LARP7: variants seen among roughly 807,000 people sequenced by gnomAD.
LARP7 encodes la-related protein 7.
Under a neutral mutation model 69.3 loss-of-function variants are expected in LARP7, and 52 were observed. That is an observed-to-expected ratio of 0.75 (90% CI 0.60 to 0.95). The LOEUF is 0.95. Ranked by LOEUF, LARP7 falls within the 40% of genes least tolerant of loss-of-function variation. The pLI is 0.00. For synonymous variants in LARP7, 254 were observed against 215.9 expected (o/e 1.18, Z -1.55); for missense variants, 733 against 673.0 (o/e 1.09, Z -0.99).
chr4:112,651,481 G>A (rs2048733820), intron 10 of LARP7, among the ~76,000 whole-genome samples: 1 of 152,158 alleles, frequency 6.6e-6, no homozygotes, highest in South Asian at 2.1e-4. Context: ...ATTGAGGGAT[G>A]TAAATACTGC....
At chr4:112,639,303 G>A (rs1257372052) in intron 1 of LARP7, among the ~76,000 whole-genome samples, 1 of 149,230 alleles carries the variant, frequency 6.7e-6, no homozygotes, top group African/African-American at 2.5e-5. Flanking sequence ...TCCGCCTCCC[G>A]GATTCACACC....
At position 112,647,681 on chromosome 4, in the gene LARP7, T is replaced by C; in HGVS notation, c.998-9T>C. ...TGTCTTAACGGAGAGCTTTTTTATT[T>C]ATTTCAAGATATAGAAATCTCTACT... On this transcript the variant is annotated splice_polypyrimidine_tract_variant and intron_variant, in intron 7 of 12. Coordinates refer to ENST00000344442, the MANE Select transcript of LARP7 (RefSeq NM_016648.4). 2 of 1,508,360 alleles carry C rather than the reference T, an allele frequency of 1.3e-6. No individual in the cohort carries two copies. The highest frequency in any genetic ancestry group is 1.8e-6 in the Non-Finnish European group (2 of 1,132,598). 93.4% of individuals were successfully genotyped at this position (1,508,360 alleles called of 1,614,324 possible).
rs747249439 is a variant in LARP7, at chr4:112,647,597, A to C, written c.997+48A>C. 22 of 1,467,208 alleles carry C rather than the reference A, an allele frequency of 1.5e-5. No individual in the cohort carries two copies. The African/African-American group carries it at 2.6e-4, about 17-fold the overall frequency. 90.9% of individuals were successfully genotyped at this position (1,467,208 alleles called of 1,614,324 possible). A position where few individuals can be genotyped will look rare whatever the true frequency, so the allele number is the denominator to read the frequency against. ...AGATAAAACTAATTAATTTTAATTA[A>C]TTAGTTTTTAATTAATTAGGTTTTA... is the stretch of plus-strand genomic sequence containing the variant. On this transcript the variant is annotated intron_variant, in intron 7 of 12. Transcript: ENST00000344442.
Position 112,646,596 on chromosome 4 carries a change from G to T in LARP7, c.312G>T (p.Leu104Phe), listed in dbSNP as rs554726477. ...LRSSAVVELDLEGTRIRRKKP... is the reference protein window; with the variant it reads ...LRSSAVVELDFEGTRIRRKKP... ...AATATACTATTTTAAAGCTTGATTT[G>T]GAAGGCACCAGAATCCGGAGGAAAA... Residue 104 changes from leucine to phenylalanine, a missense_variant, in exon 4 of 13, where the codon TTG (leucine) becomes TTT (phenylalanine). Coordinates refer to ENST00000344442, the MANE Select transcript of LARP7 (RefSeq NM_016648.4). The T allele has an allele frequency of 3.8e-6, 6 of 1,583,520 alleles. No homozygotes were observed. The South Asian group carries it at 4.6e-5, about 12-fold the overall frequency.
At position 112,647,426 on chromosome 4, in the gene LARP7, A is replaced by G. The variant is rs577197566; in HGVS notation, c.874A>G (p.Thr292Ala). 4 of 1,614,168 alleles carry G rather than the reference A, an allele frequency of 2.5e-6. No homozygotes were observed. In the East Asian group the frequency reaches 6.7e-5, roughly 27 times the overall value. The change falls in exon 7 of 13, where the codon ACA (threonine) becomes GCA (alanine). Residue 292 changes from threonine (T) to alanine (A), a missense_variant. Transcript: ENST00000344442. ...VEASSLPEVR[T>A]GKRKRSSSED... is the part of the protein sequence containing the mutation. ...AGCATCTAGCTTACCTGAAGTCAGA[A>G]CAGGGAAGAGGAAGAGAAGCAGCTC...
At chr4:112,645,713 G>A (rs2048174596) in intron 2 of LARP7, 1 of 427,612 alleles carries the variant, frequency 2.3e-6, no homozygotes, top group Non-Finnish European at 4.6e-6. Context: ...AGAGATATGG[G>A]GTCCCACCAT....
At chr4:112,655,549 A>C (rs1283501130) in intron 12 of LARP7, 1 of 152,164 alleles carries the variant, frequency 6.6e-6, no homozygotes, top group African/African-American at 2.4e-5. Flanking sequence ...AAAGGAGTAG[A>C]CCATAATTAG....
intron 1 of LARP7, among the ~76,000 whole-genome samples, chr4:112,638,809 T>G (rs1282642837): frequency 6.6e-6 from 1 of 152,242 alleles, no homozygotes; most frequent in Non-Finnish European, 1.5e-5. Flanking sequence ...TGACTGTGCT[T>G]AAATCTTTAC....
intron 12 of LARP7, chr4:112,655,473 ACT>A (rs1318985345): frequency 6.6e-6 from 1 of 152,120 alleles, no homozygotes; most frequent in Non-Finnish European, 1.5e-5. Flanking sequence ...TAGCCAGTTG[ACT>A]CTTGTCGTGA....
chr4:112,649,740 G>A (rs1489095507), intron 9 of LARP7, 54 bp downstream of exon 9: 1 of 1,170,760 alleles, frequency 8.5e-7, no homozygotes, highest in African/African-American at 1.6e-5. Context: ...ATATGTAAAT[G>A]CTATCTCTGA....
chr4:112,647,580 CTAATTAATTTTAATTAATTAGTTTT>C, intron 7 of LARP7, 31 bp downstream of exon 7: 7 of 1,318,932 alleles, frequency 5.3e-6, no homozygotes, highest in Non-Finnish European at 6.2e-6. Flanking sequence ...TTAGATAAAA[CTAATTAATTTTAATTAATTAGTTTT>C]TAATTAATTA....
At position 112,649,626 on chromosome 4, in the gene LARP7, G is replaced by A; in HGVS notation, c.1234G>A (p.Glu412Lys). Residue 412 changes from glutamate to lysine, a missense_variant, in exon 9 of 13, where the codon GAG becomes AAG. By Grantham distance (56) the Glu-to-Lys change is moderately conservative. Transcript: ENST00000344442. ...LKKTISQIKS[E>K]SEMETDSGVP... ...AAAAACAATATCCCAAATAAAATCA[G>A]AGTCAGAAATGGAAACAGACAGTGG... 6.2e-7 allele frequency: 1 copy of A among 1,608,770 alleles called. No individual in the cohort carries two copies.
At chr4:112,650,005 T>A (rs578043310) in intron 9 of LARP7, 60 of 198,188 alleles carry the variant, frequency 3.0e-4, no homozygotes, top group African/African-American at 1.3e-3. Flanking sequence ...TTAATTTCAT[T>A]CTGTAGTATG....
rs1479114811 is a variant in LARP7, at chr4:112,650,483, C to T, written c.1317C>T (p.Arg439=). 6.2e-7 allele frequency: 1 copy of T among 1,613,744 alleles called. No homozygotes were observed. Among genetic ancestry groups the T allele is most frequent in the East Asian group, 2.2e-5 (1 of 44,860 alleles). ...CAGCAGCCAACAGGGAAGAGTGTCG[C>T]ACCCAGGAGAAAGTTAATGCAACAG... ...NEKTANREEC[R]TQEKVNATGP... is the part of the protein sequence containing the mutation. The change falls in exon 10 of 13, where the codon CGC becomes CGT. Residue 439 remains arginine, a synonymous_variant. Transcript: ENST00000344442.
At chr4:112,639,004 G>C (rs558943000) in intron 1 of LARP7, among the ~76,000 whole-genome samples, 1 of 152,248 alleles carries the variant, frequency 6.6e-6, no homozygotes, top group East Asian at 1.9e-4. Context: ...TCTACCAAAA[G>C]GTAGACAATG....
rs770427660 is a variant in LARP7 at position 112,647,054 on chromosome 4, A to G, written c.573A>G (p.Glu191=). ...KAIEFLNNPP[E]EAPRKPGIFP... Reference sequence around the variant, plus strand: ...TTCAGTTTCTTAACAACCCACCAGAAGAAGCACCAAGAAAACCTGGCATAT... The same window carrying G: ...TTCAGTTTCTTAACAACCCACCAGAGGAAGCACCAAGAAAACCTGGCATAT... The change falls in exon 6 of 13, where the codon GAA becomes GAG. Residue 191 remains glutamate, a synonymous_variant. Coordinates refer to ENST00000344442, the MANE Select transcript of LARP7 (RefSeq NM_016648.4). 31 of 1,611,528 alleles carry G rather than the reference A, an allele frequency of 1.9e-5. No individual in the cohort carries two copies. The highest frequency in any genetic ancestry group is 2.5e-5 in the Non-Finnish European group (30 of 1,179,440).
At chr4:112,654,245 C>T in intron 12 of LARP7, 86 bp downstream of exon 12, 2 of 936,740 alleles carry the variant, frequency 2.1e-6, no homozygotes, top group Non-Finnish European at 3.3e-6. Context: ...ATAAAATGAT[C>T]GTAGTTTTGC....
Position 112,647,278 on chromosome 4 carries a change from C to T in LARP7, c.726C>T (p.Asp242=). The change falls in exon 7 of 13, where the codon GAC becomes GAT. Residue 242 remains aspartate, a synonymous_variant. Transcript: ENST00000344442. ...DNIQAKEENM[D]TSNTSISKMK... is the part of the protein sequence containing the mutation. ...TCCAAGCCAAAGAAGAAAACATGGA[C>T]ACAAGCAACACCAGCATCAGTAAAA... 6.2e-7 allele frequency: 1 copy of T among 1,613,604 alleles called. No individual in the cohort carries two copies. The highest frequency in any genetic ancestry group is 8.5e-7 in the Non-Finnish European group (1 of 1,179,944).
chr4:112,639,269 G>A (rs1426901432), intron 1 of LARP7, among the ~76,000 whole-genome samples: 1 of 150,952 alleles, frequency 6.6e-6, no homozygotes, highest in East Asian at 1.9e-4. Context: ...GAGTGCAGTG[G>A]CACGATCTCG....
Sources: allele counts gnomAD v4.1 joint callset (sites outside exome capture counted in the v4.1 genomes callset), GRCh38; gene constraint gnomAD v4.1.1; transcripts MANE v1.5; gene names NCBI Gene and HGNC (gene_info 2026-07-23, HGNC 2026-07-21).